The following ABCA1 variants were observed in gnomAD, a reference collection of about 807,000 sequenced individuals.
ABCA1 encodes ATP binding cassette subfamily A member 1.
In ABCA1, 133 loss-of-function variants were observed where a neutral mutation model predicts 262.5. That is an observed-to-expected ratio of 0.51 (90% CI 0.44 to 0.59). The LOEUF (loss-of-function observed/expected upper bound fraction) is 0.59. Ranked by LOEUF, ABCA1 falls within the 20% of genes least tolerant of loss-of-function variation. The probability of loss-of-function intolerance (pLI) is 0.00; values close to 1 mark genes in which losing one functional copy is unlikely to be tolerated. For synonymous variants in ABCA1, 1,022 were observed against 1,043.5 expected (o/e 0.98, Z 0.40); for missense variants, 2,452 against 2,777.5 (o/e 0.88, Z 2.63).
chr9:104,815,660 T>G (rs1831682109), intron 25 of ABCA1, among the ~76,000 whole-genome samples: 1 of 152,162 alleles, frequency 6.6e-6, no homozygotes, highest in Non-Finnish European at 1.5e-5. Flanking sequence ...TATCCATCCA[T>G]AAACGTTTGT....
chr9:104,801,157 T>C (rs1232933241), intron 34 of ABCA1, among the ~76,000 whole-genome samples: 1 of 151,914 alleles, frequency 6.6e-6, no homozygotes, highest in African/African-American at 2.4e-5. Context: ...TCAGTGATTG[T>C]TTCAGCAAAG....
intron 44 of ABCA1, 143 bp from the exon 45 acceptor site, chr9:104,788,710 C>T: frequency 9.0e-7 from 1 of 1,111,014 alleles, no homozygotes; most frequent in Non-Finnish European, 1.3e-6. Flanking sequence ...CACAGCCTTT[C>T]TGCCCCCAGG....
At chr9:104,827,306 T>G (rs1214425923) in intron 15 of ABCA1, 137 bp from the exon 16 acceptor site, 5 of 771,314 alleles carry the variant, frequency 6.5e-6, no homozygotes, top group Non-Finnish European at 1.1e-5. Context: ...TTCATCTTTC[T>G]GATGAGGCAA....
At chr9:104,889,066 A>G in intron 3 of ABCA1, 36 bp downstream of exon 3, 1 of 1,576,468 alleles carries the variant, frequency 6.3e-7, no homozygotes, top group Non-Finnish European at 8.7e-7. Context: ...TTTCCCTGCC[A>G]TTGGTGAGTC....
At position 104,819,534 on chromosome 9, in the gene ABCA1, G is replaced by A. The variant is rs1832090146; in HGVS notation, c.3241+52C>T. The A allele has an allele frequency of 8.1e-6, 13 of 1,612,312 alleles. No individual in the cohort carries two copies. The Admixed American group carries it at 1.7e-4, about 21-fold the overall frequency. ...TGAGATACAGCCACACTTCTCAAAA[G>A]CCCCCCGCTCTCTCTCAGTCCATTT... On this transcript the variant is annotated intron_variant, in intron 22 of 49. Coordinates refer to ENST00000374736, the MANE Select transcript of ABCA1 (RefSeq NM_005502.4).
intron 4 of ABCA1, among the ~76,000 whole-genome samples, chr9:104,883,873 A>T (rs1327684738): frequency 6.6e-6 from 1 of 152,228 alleles, no homozygotes; most frequent in Non-Finnish European, 1.5e-5. Context: ...ACTTATGTCC[A>T]GGCACTGAAG....
At chr9:104,926,484 C>A (rs10820748) in intron 1 of ABCA1, among the ~76,000 whole-genome samples, 71,425 of 134,072 alleles carry the variant, frequency 0.53, 18,974 homozygotes, top group African/African-American at 0.72. Flanking sequence ...AAAAAAAAAA[C>A]AAAACGGGCT....
rs181419513 is a variant in ABCA1 at position 104,840,894 on chromosome 9, G to C, written c.814-375C>G. Among the ~76,000 whole-genome samples the C allele has an allele frequency of 9.9e-5, 15 of 152,016 alleles. No homozygotes were observed. The East Asian group carries it at 1.5e-3, about 16-fold the overall frequency. ...AGTGAAGCCCCTGGGGCTGGGCTTCGTTTCACCGGGATTATCTTCCAGTTT... is the reference window on the plus strand; with the variant it reads ...AGTGAAGCCCCTGGGGCTGGGCTTCCTTTCACCGGGATTATCTTCCAGTTT... On this transcript the variant is annotated intron_variant, in intron 8 of 49. Coordinates refer to ENST00000374736, the MANE Select transcript of ABCA1 (RefSeq NM_005502.4).
intron 6 of ABCA1, among the ~76,000 whole-genome samples, chr9:104,860,675 G>T (rs1449810732): frequency 6.6e-6 from 1 of 151,528 alleles, no homozygotes; most frequent in East Asian, 1.9e-4. Context: ...GTCTAATAAT[G>T]ATGCCAGAGG....
At chr9:104,906,354 T>C (rs987055971) in intron 1 of ABCA1, among the ~76,000 whole-genome samples, 10 of 152,236 alleles carry the variant, frequency 6.6e-5, no homozygotes, top group African/African-American at 2.2e-4. Flanking sequence ...ACAACGTTCA[T>C]GAGAAGAAGG....
intron 1 of ABCA1, among the ~76,000 whole-genome samples, chr9:104,925,911 T>C (rs1826285637): frequency 6.6e-6 from 1 of 151,804 alleles, no homozygotes; most frequent in Non-Finnish European, 1.5e-5. Context: ...GTGGTAGGTA[T>C]GAGAAGAATA....
At chr9:104,808,581 T>A (rs188314256) in intron 30 of ABCA1, among the ~76,000 whole-genome samples, 16 of 152,340 alleles carry the variant, frequency 1.1e-4, no homozygotes, top group African/African-American at 3.8e-4. Flanking sequence ...CCAATACTAA[T>A]TAAGAACAAA....
intron 1 of ABCA1, among the ~76,000 whole-genome samples, chr9:104,910,505 T>C (rs1230997439): frequency 6.6e-6 from 1 of 152,196 alleles, no homozygotes; most frequent in East Asian, 1.9e-4. Flanking sequence ...ACCCAAAATG[T>C]ACAGATAGCA....
rs543919713 is a variant in ABCA1, at chr9:104,802,077, T to G, written c.4675A>C (p.Lys1559Gln). The part of the protein sequence containing the change: ...QEVNDAIKQM[K>Q]KHLKLAKDSS... Reference sequence around the variant, plus strand: ...ACCTTGGCCAGCTTTAGGTGTTTCTTCATTTGTTTGATGGCATCATTAACT... The same window carrying G: ...ACCTTGGCCAGCTTTAGGTGTTTCTGCATTTGTTTGATGGCATCATTAACT... Residue 1559 changes from lysine (K) to glutamine (Q), a missense_variant, in exon 34 of 50, where the codon AAG becomes CAG. This residue lies in a region of ABCA1 where 752 missense variants were observed against 944.5 expected (regional missense o/e 0.80). Coordinates refer to ENST00000374736, the MANE Select transcript of ABCA1 (RefSeq NM_005502.4). The G allele has an allele frequency of 2.5e-6, 4 of 1,614,082 alleles. No homozygotes were observed. The highest frequency in any genetic ancestry group is 3.3e-5 in the Admixed American group (2 of 60,006).
At chr9:104,809,791 G>C (rs573065868) in intron 29 of ABCA1, among the ~76,000 whole-genome samples, 2 of 151,932 alleles carry the variant, frequency 1.3e-5, no homozygotes, top group African/African-American at 4.8e-5. Flanking sequence ...GTTTTAAATG[G>C]GCTGTATGTA....
chr9:104,851,394 A>G (rs1835363584), intron 7 of ABCA1, among the ~76,000 whole-genome samples: 1 of 152,096 alleles, frequency 6.6e-6, no homozygotes, highest in African/African-American at 2.4e-5. Flanking sequence ...ATCACGTCTC[A>G]TCGTTCCTTC....
At chr9:104,830,853 G>A (rs1833234816) in intron 14 of ABCA1, 72 bp downstream of exon 14, 2 of 1,529,458 alleles carry the variant, frequency 1.3e-6, no homozygotes, top group Non-Finnish European at 1.8e-6. Context: ...GCATGCACAT[G>A]CACACACATA....
intron 41 of ABCA1, 38 bp from the exon 42 acceptor site, chr9:104,792,944 T>C: frequency 6.2e-7 from 1 of 1,613,108 alleles, no homozygotes; most frequent in South Asian, 1.1e-5. Context: ...CCTTTCAAAC[T>C]ATTTTTCAGG....
chr9:104,858,778 G>C, intron 6 of ABCA1, 80 bp from the exon 7 acceptor site: 1 of 1,390,882 alleles, frequency 7.2e-7, no homozygotes, highest in Non-Finnish European at 1.0e-6. Context: ...GTCTTTTGGA[G>C]AACTTCATAT....
Sources: gnomAD v4.1 joint callset for allele counts (sites outside exome capture counted in the v4.1 genomes callset) on GRCh38, gnomAD v4.1.1 for gene constraint, gnomAD v4.1.1 regional missense constraint, MANE v1.5 for transcripts, NCBI Gene and HGNC (gene_info 2026-07-23, HGNC 2026-07-21) for gene names.